TSNARE1: variants seen among roughly 807,000 people sequenced by gnomAD.
TSNARE1 encodes t-SNARE domain-containing protein 1.
Under a neutral mutation model 62.0 loss-of-function variants are expected in TSNARE1, and 49 were observed. That is an observed-to-expected ratio of 0.79 (90% CI 0.63 to 1.00). The LOEUF is 1.00. Ranked by LOEUF, TSNARE1 falls within the 50% of genes least tolerant of loss-of-function variation. TSNARE1 has a pLI of 0.00. For missense variants in TSNARE1, 755 were observed against 700.1 expected, an observed-to-expected ratio of 1.08 and a Z score of -0.88; for synonymous variants, 328 against 294.4, an observed-to-expected ratio of 1.11 and a Z score of -1.17.
intron 13 of TSNARE1, among the ~76,000 whole-genome samples, chr8:142,222,883 T>C (rs1470631560): frequency 7.6e-6 from 1 of 132,382 alleles, no homozygotes; most frequent in Non-Finnish European, 1.6e-5. Flanking sequence ...CACTTACTCA[T>C]CCACTCACTC....
chr8:142,391,994 G>A (rs902275546), intron 1 of TSNARE1, among the ~76,000 whole-genome samples: 3 of 152,236 alleles, frequency 2.0e-5, no homozygotes, highest in African/African-American at 7.2e-5. Flanking sequence ...AACACCTCCT[G>A]AAGGCCCTGC....
chr8:142,223,563 C>T lies in TSNARE1; in HGVS notation c.*11+5910G>A, dbSNP rs150839184. On this transcript the variant is annotated intron_variant, in intron 13 of 13. Transcript: ENST00000524325. ...ATTCACTCACTCATTCACTCACTCA[C>T]TCATTCACTAACTCATCCACTCACT... 8.0e-3 allele frequency among the ~76,000 whole-genome samples: 117 copies of T among 14,652 alleles called. 49 individuals carry two copies. The highest frequency in any genetic ancestry group is 0.048 in the Middle Eastern group (2 of 42). The allele number at this position is 14,652 out of a possible 152,430, so 9.6% of individuals were successfully genotyped here.
intron 12 of TSNARE1, among the ~76,000 whole-genome samples, chr8:142,235,832 C>T (rs2130132933): frequency 6.6e-6 from 1 of 152,242 alleles, no homozygotes; most frequent in Non-Finnish European, 1.5e-5. Context: ...CCAGGGCCTG[C>T]CAGGGGCACG....
chr8:142,367,710 C>T (rs536293324), intron 1 of TSNARE1, among the ~76,000 whole-genome samples: 1 of 152,190 alleles, frequency 6.6e-6, no homozygotes, highest in South Asian at 2.1e-4. Context: ...TATAAAAATG[C>T]TAGAAAGCCT....
chr8:142,284,107 G>A (rs1822263426), intron 11 of TSNARE1, among the ~76,000 whole-genome samples: 1 of 109,906 alleles, frequency 9.1e-6, no homozygotes, highest in African/African-American at 2.8e-5. Flanking sequence ...CGGGGCCAGT[G>A]TCTGTCAATG....
chr8:142,325,968 G>A (rs1042614586), intron 6 of TSNARE1: 47 of 157,100 alleles, frequency 3.0e-4, no homozygotes, highest in Non-Finnish European at 4.6e-4. Context: ...CCAGCGAAGG[G>A]GAGGGCCCCG....
At chr8:142,328,020 C>A (rs1035235708) in intron 6 of TSNARE1, among the ~76,000 whole-genome samples, 4 of 152,202 alleles carry the variant, frequency 2.6e-5, no homozygotes, top group African/African-American at 9.6e-5. Context: ...CCAGGCAGAT[C>A]AGAGAACACA....
rs559693695 is a variant in TSNARE1, at chr8:142,231,297, C to G, written c.1447-1718G>C. On this transcript the variant is annotated intron_variant, in intron 12 of 13. Coordinates refer to ENST00000524325, the MANE Select transcript of TSNARE1 (RefSeq NM_145003.5). ...CTGAAGCTCAAAAAGGTAAAGAGACCTTCCCAGGCTTCACAGTGTGTGGCA... is the reference window on the plus strand; with the variant it reads ...CTGAAGCTCAAAAAGGTAAAGAGACGTTCCCAGGCTTCACAGTGTGTGGCA... Among the ~76,000 whole-genome samples the G allele has an allele frequency of 6.6e-5, 10 of 152,334 alleles. No individual in the cohort carries two copies. The South Asian group carries it at 1.9e-3, about 28-fold the overall frequency.
At chr8:142,360,385 G>A (rs1835065883) in intron 1 of TSNARE1, among the ~76,000 whole-genome samples, 1 of 152,182 alleles carries the variant, frequency 6.6e-6, no homozygotes, top group East Asian at 1.9e-4. Context: ...GGCCGCAGAA[G>A]CCATTCGCAG....
intron 4 of TSNARE1, among the ~76,000 whole-genome samples, chr8:142,332,435 C>T (rs895944421): frequency 1.4e-4 from 22 of 151,944 alleles, no homozygotes; most frequent in African/African-American, 5.3e-4. Context: ...CTGATGGGTA[C>T]GGGGGTGCTT....
chr8:142,223,163 C>A (rs1816539212), intron 13 of TSNARE1, among the ~76,000 whole-genome samples: 1 of 101,632 alleles, frequency 9.8e-6, no homozygotes, highest in African/African-American at 4.5e-5. Context: ...CTCATTCACT[C>A]ACTCACTCAA....
chr8:142,234,911 C>A (rs139844149), intron 12 of TSNARE1, among the ~76,000 whole-genome samples: 475 of 152,138 alleles, frequency 3.1e-3, no homozygotes, highest in African/African-American at 0.011. Context: ...CCTTGTCCCC[C>A]GCAACACCTT....
chr8:142,243,723 C>G (rs1048700287), intron 12 of TSNARE1, among the ~76,000 whole-genome samples: 2 of 152,152 alleles, frequency 1.3e-5, no homozygotes, highest in Non-Finnish European at 2.9e-5. Flanking sequence ...GTATAGTAGA[C>G]TTAAACATTG....
In TSNARE1 at chr8:142,279,774, G is replaced by A. The variant is rs956870498; in HGVS notation, c.1363+4639C>T. The stretch of plus-strand genomic sequence containing the variant: ...GAGGGTCTCCCTCTTGGGAGCTGGT[G>A]CAGAAGGCTCAAGCCCACTCGCCGG... On this transcript the variant is annotated intron_variant, in intron 11 of 13. Transcript: ENST00000524325. 36 of 682,592 alleles carry A rather than the reference G, an allele frequency of 5.3e-5. 1 individual carries two copies. The South Asian group carries it at 2.0e-3, about 38-fold the overall frequency. The allele number at this position is 682,592 out of a possible 1,614,324, so 42.3% of individuals were successfully genotyped here.
chr8:142,280,573 G>A (rs1016779731), intron 11 of TSNARE1, among the ~76,000 whole-genome samples: 2 of 152,202 alleles, frequency 1.3e-5, no homozygotes, highest in African/African-American at 4.8e-5. Context: ...TGGTGGGTCA[G>A]CCCTGGTTTG....
At chr8:142,288,123 G>A (rs1823082559) in intron 10 of TSNARE1, among the ~76,000 whole-genome samples, 2 of 152,254 alleles carry the variant, frequency 1.3e-5, no homozygotes, top group Non-Finnish European at 2.9e-5. Flanking sequence ...CCAGCCTGTG[G>A]GGATGCAGCT....
intron 1 of TSNARE1, among the ~76,000 whole-genome samples, chr8:142,394,477 T>C (rs1306399370): frequency 2.0e-5 from 3 of 152,240 alleles, no homozygotes; most frequent in South Asian, 4.1e-4. Context: ...GGGACGATGA[T>C]GGCAGCAGGT....
chr8:142,268,323 C>A (rs1186439088), intron 12 of TSNARE1, among the ~76,000 whole-genome samples: 2 of 152,244 alleles, frequency 1.3e-5, no homozygotes, highest in East Asian at 3.9e-4. Context: ...ACCCATTCTG[C>A]CCCTAAGTTC....
intron 12 of TSNARE1, among the ~76,000 whole-genome samples, chr8:142,251,282 C>T (rs1175218737): frequency 1.3e-5 from 2 of 151,288 alleles, no homozygotes; most frequent in African/African-American, 2.4e-5. Context: ...CTGGCTCAGG[C>T]AGTGTCGGAG....
Sources: gnomAD v4.1 joint callset for allele counts (sites outside exome capture counted in the v4.1 genomes callset) on GRCh38, gnomAD v4.1.1 for gene constraint, MANE v1.5 for transcripts, NCBI Gene and HGNC (gene_info 2026-07-23, HGNC 2026-07-21) for gene names.